The following CACHD1 variants were observed in gnomAD, a reference collection of about 807,000 sequenced individuals.
CACHD1 encodes VWFA and cache domain-containing protein 1.
Under a neutral mutation model 138.7 loss-of-function variants are expected in CACHD1, and 71 were observed. The observed-to-expected ratio is 0.51, with a 90% confidence interval of 0.42 to 0.62. CACHD1 has a LOEUF of 0.62. Among genes scored for constraint, CACHD1 ranks in the 20% least tolerant of loss-of-function variants. The pLI is 0.00. For synonymous variants in CACHD1, 578 were observed against 591.5 expected, an observed-to-expected ratio of 0.98 and a Z score of 0.33; for missense variants, 1,389 against 1,625.3, an observed-to-expected ratio of 0.85 and a Z score of 2.50.
At chr1:64,498,592 G>C (rs926844065) in intron 1 of CACHD1, among the ~76,000 whole-genome samples, 1 of 152,196 alleles carries the variant, frequency 6.6e-6, no homozygotes, top group African/African-American at 2.4e-5. Context: ...TTTTGATCCA[G>C]TGGCACTTCT....
intron 1 of CACHD1, among the ~76,000 whole-genome samples, chr1:64,523,656 G>C (rs116818081): frequency 6.6e-6 from 1 of 152,144 alleles, no homozygotes; most frequent in African/African-American, 2.4e-5. Flanking sequence ...CATGCCCTTG[G>C]TTGCAGGGTT....
At position 64,678,243 on chromosome 1, in the gene CACHD1, C is replaced by A. The variant is rs1453837181; in HGVS notation, c.3177C>A (p.Pro1059=). ...KTHLDKPYCA[P]QKECFGGIVG... is the part of the protein sequence containing the mutation. ...ACCTGGACAAACCCTACTGTGCCCC[C>A]CAGAAAGAATGCTTCGGGGGGATTG... The change falls in exon 23 of 27, where the codon CCC becomes CCA. Residue 1059 remains proline, a synonymous_variant. Coordinates refer to ENST00000651257, the MANE Select transcript of CACHD1 (RefSeq NM_020925.4). The A allele has an allele frequency of 6.2e-7, 1 of 1,610,860 alleles. No individual in the cohort carries two copies. The highest frequency in any genetic ancestry group is 1.7e-4 in the Middle Eastern group (1 of 6,060).
chr1:64,520,169 C>T (rs771948450), intron 1 of CACHD1, among the ~76,000 whole-genome samples: 1 of 152,170 alleles, frequency 6.6e-6, no homozygotes, highest in Non-Finnish European at 1.5e-5. Flanking sequence ...CCAACTGTGC[C>T]GGACTCATGT....
chr1:64,473,783 C>T (rs984414845), intron 1 of CACHD1, among the ~76,000 whole-genome samples: 5 of 152,132 alleles, frequency 3.3e-5, no homozygotes, highest in Non-Finnish European at 1.5e-5. Context: ...CTGAAATTCT[C>T]GAAAGACGAT....
At chr1:64,662,860 G>A (rs1166662141) in intron 13 of CACHD1, among the ~76,000 whole-genome samples, 3 of 152,166 alleles carry the variant, frequency 2.0e-5, no homozygotes, top group African/African-American at 7.2e-5. Flanking sequence ...CACCATCTGA[G>A]TGAATAATTT....
intron 9 of CACHD1, among the ~76,000 whole-genome samples, chr1:64,650,214 T>C (rs1649043871): frequency 6.6e-6 from 1 of 152,212 alleles, no homozygotes; most frequent in Non-Finnish European, 1.5e-5. Flanking sequence ...TTTAAGACTT[T>C]GTTCTCAACC....
At chr1:64,546,477 G>A (rs969869984) in intron 1 of CACHD1, among the ~76,000 whole-genome samples, 7 of 151,826 alleles carry the variant, frequency 4.6e-5, no homozygotes, top group African/African-American at 1.2e-4. Context: ...TGAACTACCC[G>A]TGGGTGCCGT....
intron 4 of CACHD1, among the ~76,000 whole-genome samples, chr1:64,623,295 T>G (rs1647981147): frequency 1.3e-5 from 2 of 151,716 alleles, no homozygotes; most frequent in South Asian, 2.1e-4. Flanking sequence ...CCAGCTACTC[T>G]GAAGGCTGAG....
chr1:64,477,870 G>A (rs7524498), intron 1 of CACHD1, among the ~76,000 whole-genome samples: 88,754 of 149,946 alleles, frequency 0.59, 29,233 homozygotes, highest in East Asian at 0.73. Context: ...TCCTGACCTC[G>A]TGATCCACCC....
At chr1:64,562,283 A>G (rs1646846118) in intron 2 of CACHD1, among the ~76,000 whole-genome samples, 1 of 152,120 alleles carries the variant, frequency 6.6e-6, no homozygotes. Flanking sequence ...GTCTCTGATT[A>G]CAGGTATGCT....
intron 8 of CACHD1, 124 bp downstream of exon 8, chr1:64,642,093 G>A (rs1648737388): frequency 2.4e-6 from 2 of 827,044 alleles, no homozygotes; most frequent in African/African-American, 1.8e-5. Flanking sequence ...AGGCAACCAG[G>A]CGGCTCTTTC....
chr1:64,632,820 G>A (rs1055629714), intron 6 of CACHD1, 77 bp downstream of exon 6: 163 of 1,500,858 alleles, frequency 1.1e-4, no homozygotes, highest in Non-Finnish European at 1.4e-4. Flanking sequence ...ATTGTTTTGT[G>A]ATATACAGAT....
intron 1 of CACHD1, among the ~76,000 whole-genome samples, chr1:64,527,460 G>A (rs781667054): frequency 3.0e-4 from 46 of 152,144 alleles, no homozygotes; most frequent in Admixed American, 1.4e-3. Flanking sequence ...TATTTTGTGC[G>A]GTAACAGTGT....
chr1:64,616,468 G>T (rs1375304444), intron 4 of CACHD1, among the ~76,000 whole-genome samples: 1 of 152,136 alleles, frequency 6.6e-6, no homozygotes, highest in Non-Finnish European at 1.5e-5. Context: ...CTCTGAGCTG[G>T]GTCTTTTAAA....
At chr1:64,556,716 G>T (rs1015070109) in intron 2 of CACHD1, among the ~76,000 whole-genome samples, 3 of 152,114 alleles carry the variant, frequency 2.0e-5, no homozygotes, top group Non-Finnish European at 4.4e-5. Flanking sequence ...GAGAGTGTGG[G>T]TCTAAATTGT....
intron 1 of CACHD1, among the ~76,000 whole-genome samples, chr1:64,510,566 T>C (rs184746001): frequency 1.3e-3 from 194 of 152,340 alleles, no homozygotes; most frequent in African/African-American, 4.1e-3. Context: ...TCCTGGGCAA[T>C]GTTCTCAACT....
chr1:64,574,611 T>C (rs898707760), intron 2 of CACHD1, among the ~76,000 whole-genome samples: 1 of 152,176 alleles, frequency 6.6e-6, no homozygotes, highest in African/African-American at 2.4e-5. Context: ...GTTAAGTTCC[T>C]CAAACAATAA....
Position 64,677,004 on chromosome 1 carries a change from G to A in CACHD1, c.3085G>A (p.Glu1029Lys). The A allele has an allele frequency of 6.2e-7, 1 of 1,612,242 alleles. No homozygotes were observed. Among genetic ancestry groups the A allele is most frequent in the South Asian group, 1.1e-5 (1 of 90,918 alleles). Reference sequence around the variant, plus strand: ...CAACAGCAGGTGCAGTCAGAGGCTGGAAAGTGGGTAAGCAGAATCTAGTAA... The same window carrying A: ...CAACAGCAGGTGCAGTCAGAGGCTGAAAAGTGGGTAAGCAGAATCTAGTAA... The part of the protein sequence containing the change: ...CVNSRCSQRL[E>K]SGDCFGVLDC... Residue 1029 changes from glutamate to lysine, a missense_variant, in exon 22 of 27, where the codon GAA becomes AAA. Physicochemically the swap from Glu to Lys is moderately conservative, Grantham distance 56. Transcript: ENST00000651257.
chr1:64,664,513 G>A lies in CACHD1; in HGVS notation c.2110G>A (p.Glu704Lys), dbSNP rs2100704058. ...TGTTTCCCAGTTCTCTGTCAGAAAT[G>A]AAGTAATGGCTACCAGCCACGTCAC... ...NPGLKFSVRN[E>K]VMATSHVTDE... The change falls in exon 15 of 27, where the codon GAA becomes AAA. Residue 704 changes from glutamate (E) to lysine (K), a missense_variant. Physicochemically the swap from Glu to Lys is moderately conservative, Grantham distance 56. Around this residue, in one of 5 missense-constraint regions of CACHD1, gnomAD observed 1,000 missense variants for 1,114.7 expected, o/e 0.90. Coordinates refer to ENST00000651257, the MANE Select transcript of CACHD1 (RefSeq NM_020925.4). The A allele has an allele frequency of 6.2e-7, 1 of 1,614,124 alleles. No individual in the cohort carries two copies. Among genetic ancestry groups the A allele is most frequent in the Middle Eastern group, 1.7e-4 (1 of 6,060 alleles).
Sources: gnomAD v4.1 joint callset for allele counts (sites outside exome capture counted in the v4.1 genomes callset) on GRCh38, gnomAD v4.1.1 for gene constraint, gnomAD v4.1.1 regional missense constraint, MANE v1.5 for transcripts, NCBI Gene and HGNC (gene_info 2026-07-23, HGNC 2026-07-21) for gene names.